PTAFR: variants seen among roughly 807,000 people sequenced by gnomAD.
PTAFR encodes the protein platelet activating factor receptor, also known as platelet-activating factor receptor.
A neutral mutation model predicts 14.7 loss-of-function variants in PTAFR; 8 were observed. That is an observed-to-expected ratio of 0.54 (90% CI 0.32 to 0.98). The LOEUF is 0.98. Ranked by LOEUF, PTAFR falls within the 50% of genes least tolerant of loss-of-function variation. The pLI is 0.04. For synonymous variants in PTAFR, 156 were observed against 176.5 expected, an observed-to-expected ratio of 0.88 and a Z score of 0.92; for missense variants, 337 against 451.2, an observed-to-expected ratio of 0.75 and a Z score of 2.29.
intron 1 of PTAFR, among the ~76,000 whole-genome samples, chr1:28,154,251 A>T (rs902290711): frequency 1.3e-5 from 2 of 152,304 alleles, no homozygotes; most frequent in Middle Eastern, 3.4e-3. Context: ...ACAGAATAGG[A>T]AGCTGACTAC....
rs554063049 is a variant in PTAFR at position 28,170,844 on chromosome 1, C to CA, written c.-39+5747dup. Among the ~76,000 whole-genome samples the CA allele has an allele frequency of 1.8e-3, 275 of 151,342 alleles. 1 individual carries two copies. The highest frequency in any genetic ancestry group is 6.3e-3 in the African/African-American group (261 of 41,286). On this transcript the variant is annotated intron_variant, in intron 1 of 1. Transcript: ENST00000373857. The stretch of plus-strand genomic sequence containing the variant: ...TAAAACCCTGTCTCTACTAAAAATA[C>CA]AAAAAATTAGCTGGGCAAGGTGGTG...
At chr1:28,174,949 C>T (rs1189427203) in intron 1 of PTAFR, among the ~76,000 whole-genome samples, 4 of 152,176 alleles carry the variant, frequency 2.6e-5, no homozygotes, top group Admixed American at 1.3e-4. Context: ...TTTTTTGAGA[C>T]GGAGTCTCGC....
chr1:28,183,946 AGAT>A (rs1463157453), intron 1 of PTAFR, among the ~76,000 whole-genome samples: 2 of 152,084 alleles, frequency 1.3e-5, no homozygotes, highest in Non-Finnish European at 2.9e-5. Context: ...ATAGATAGAT[AGAT>A]GATAGATCCA....
In PTAFR at chr1:28,158,389, A is replaced by G. The variant is rs539995294; in HGVS notation, c.-38-7330T>C. ...TGGCCAAAACTTTAAGGAGTTGAGA[A>G]GAGACAGGGCTTTAAAAATAAGCAA... On this transcript the variant is annotated intron_variant, in intron 1 of 1. Transcript: ENST00000373857. Among the ~76,000 whole-genome samples the G allele has an allele frequency of 7.2e-5, 11 of 152,294 alleles. No individual in the cohort carries two copies. In the South Asian group the frequency reaches 2.1e-3, roughly 29 times the overall value.
intron 1 of PTAFR, among the ~76,000 whole-genome samples, chr1:28,186,314 A>G (rs1646605960): frequency 6.6e-6 from 1 of 151,782 alleles, no homozygotes; most frequent in Non-Finnish European, 1.5e-5. Context: ...CATGAAGGAA[A>G]TTACAAAAGT....
At chr1:28,152,901 G>T (rs550233247) in intron 1 of PTAFR, among the ~76,000 whole-genome samples, 1 of 152,308 alleles carries the variant, frequency 6.6e-6, no homozygotes, top group East Asian at 1.9e-4. Context: ...CCTCTGGGAA[G>T]GTGAGGTAGC....
At chr1:28,189,292 G>A (rs61786981) in intron 1 of PTAFR, among the ~76,000 whole-genome samples, 63,364 of 151,930 alleles carry the variant, frequency 0.42, 14,721 homozygotes, top group African/African-American at 0.62. Flanking sequence ...GTTAAAATGA[G>A]AAGAGCTGCA....
intron 1 of PTAFR, 112 bp downstream of exon 1, chr1:28,176,480 T>C (rs141620644): frequency 3.0e-5 from 4 of 135,586 alleles, no homozygotes; most frequent in African/African-American, 1.1e-4. Flanking sequence ...AGAAAAGAAA[T>C]AGAAGCACCC....
At chr1:28,173,105 CAAAA>C (rs68034962) in intron 1 of PTAFR, among the ~76,000 whole-genome samples, 128 of 50,116 alleles carry the variant, frequency 2.6e-3, no homozygotes, top group African/African-American at 5.3e-3. Flanking sequence ...CCCGTTTCCA[CAAAA>C]AAAAAAAAAA....
intron 1 of PTAFR, among the ~76,000 whole-genome samples, chr1:28,183,635 A>ATG (rs1646580315): frequency 6.6e-6 from 1 of 152,072 alleles, no homozygotes; most frequent in African/African-American, 2.4e-5. Context: ...TCTTCAAAAT[A>ATG]TGTGTGTGTG....
At chr1:28,187,517 T>A (rs531756335) in intron 1 of PTAFR, among the ~76,000 whole-genome samples, 324 of 151,714 alleles carry the variant, frequency 2.1e-3, no homozygotes, top group African/African-American at 7.0e-3. Flanking sequence ...AAAAAAAAAT[T>A]TTTTTTTAAG....
chr1:28,167,327 T>C (rs545981001), intron 1 of PTAFR, among the ~76,000 whole-genome samples: 15 of 152,260 alleles, frequency 9.9e-5, no homozygotes, highest in African/African-American at 3.4e-4. Flanking sequence ...CCAAAGACGA[T>C]ATACCAATGA....
chr1:28,189,282 G>A (rs748027437), intron 1 of PTAFR, among the ~76,000 whole-genome samples: 31 of 152,162 alleles, frequency 2.0e-4, no homozygotes, highest in Non-Finnish European at 3.1e-4. Context: ...CTGTACATAT[G>A]TTAAAATGAG....
At chr1:28,177,817 T>G (rs1431123485), upstream of PTAFR, among the ~76,000 whole-genome samples, 2 of 151,644 alleles carry the variant, frequency 1.3e-5, no homozygotes, top group African/African-American at 2.4e-5. Flanking sequence ...GGGTGGACAA[T>G]CGATGGTGAA....
upstream of PTAFR, among the ~76,000 whole-genome samples, chr1:28,179,455 G>A (rs1280492632): frequency 6.6e-6 from 1 of 152,214 alleles, no homozygotes; most frequent in Non-Finnish European, 1.5e-5. Context: ...AGGAAACTGA[G>A]TTCAACTCTT....
chr1:28,177,399 G>T (rs542499854), upstream of PTAFR, among the ~76,000 whole-genome samples: 3 of 152,308 alleles, frequency 2.0e-5, no homozygotes, highest in South Asian at 6.2e-4. Flanking sequence ...ACAGATCTGT[G>T]GGGGTGGAGG....
chr1:28,157,950 C>T (rs1557687389), intron 1 of PTAFR, among the ~76,000 whole-genome samples: 1 of 151,848 alleles, frequency 6.6e-6, no homozygotes, highest in Non-Finnish European at 1.5e-5. Context: ...TTTAAAAAAA[C>T]CTTCTCACCA....
chr1:28,156,841 T>C (rs956057731), intron 1 of PTAFR, among the ~76,000 whole-genome samples: 3 of 152,132 alleles, frequency 2.0e-5, no homozygotes, highest in Admixed American at 6.6e-5. Context: ...GGGTCCTGTT[T>C]CCAGGGCATG....
intron 1 of PTAFR, among the ~76,000 whole-genome samples, chr1:28,182,190 G>A (rs115450706): frequency 0.021 from 3,216 of 151,930 alleles, 130 homozygotes; most frequent in African/African-American, 0.073. Context: ...ACTAAAATTA[G>A]CTTGGCATAG....
Sources: allele counts gnomAD v4.1 joint callset (sites outside exome capture counted in the v4.1 genomes callset), GRCh38; gene constraint gnomAD v4.1.1; transcripts MANE v1.5; gene names NCBI Gene and HGNC (gene_info 2026-07-23, HGNC 2026-07-21).